Variants in ATR observed in about 807,000 individuals in gnomAD.
ATR encodes serine/threonine-protein kinase ATR.
ATR carries 142 observed loss-of-function variants against 305.3 expected under a neutral mutation model. The ratio of observed to expected loss-of-function variants is 0.47; its 90% CI spans 0.41 to 0.53. The LOEUF (loss-of-function observed/expected upper bound fraction) is 0.53. ATR is among the 20% of genes least tolerant of loss of function. The pLI, the probability that ATR is intolerant of heterozygous loss-of-function variation, is 0.00. For missense variants in ATR, 2,135 were observed against 3,133.1 expected, an observed-to-expected ratio of 0.68 and a Z score of 7.60; for synonymous variants, 1,050 against 1,068.1, an observed-to-expected ratio of 0.98 and a Z score of 0.33.
chr3:142,471,347 T>A (rs2071259310), intron 36 of ATR, among the ~76,000 whole-genome samples: 1 of 152,184 alleles, frequency 6.6e-6, no homozygotes, highest in Non-Finnish European at 1.5e-5. Flanking sequence ...GATCAATTAA[T>A]CTCCCAATGA....
chr3:142,554,554 T>A (rs2034596281), intron 10 of ATR, among the ~76,000 whole-genome samples: 1 of 152,152 alleles, frequency 6.6e-6, no homozygotes, highest in Non-Finnish European at 1.5e-5. Context: ...CTAAAATAAT[T>A]TCCAGAATTG....
chr3:142,454,670 T>C (rs1337766088), intron 45 of ATR, among the ~76,000 whole-genome samples: 1 of 152,030 alleles, frequency 6.6e-6, no homozygotes, highest in Admixed American at 6.5e-5. Flanking sequence ...CTTGATCTCC[T>C]GACCTCGTGA....
chr3:142,454,566 C>T lies in ATR; in HGVS notation c.7656-1333G>A, dbSNP rs1037486844. 2.6e-5 allele frequency among the ~76,000 whole-genome samples: 4 copies of T among 151,182 alleles called. No individual in the cohort carries two copies. The East Asian group carries it at 7.8e-4, about 29-fold the overall frequency. On this transcript the variant is annotated intron_variant, in intron 45 of 46. Transcript: ENST00000350721. ...ACGCCATTCTCCTGCCTCAGCCTCC[C>T]GAGTAGCTGGGACTACAGGCGCCCG...
Position 142,505,054 on chromosome 3 carries a change from C to T in ATR, c.5196+85G>A, listed in dbSNP as rs375400244. 3 of 1,541,722 alleles carry T rather than the reference C, an allele frequency of 1.9e-6. No homozygotes were observed. In the South Asian group the frequency reaches 3.4e-5, roughly 17 times the overall value. ...GCGAGACTCTGTCTCAAAAACAAAA[C>T]AAAACAAAACAAAAAAAACTAAGGT... On this transcript the variant is annotated intron_variant, in intron 29 of 46. Coordinates refer to ENST00000350721, the MANE Select transcript of ATR (RefSeq NM_001184.4).
chr3:142,495,091 G>A (rs894112092), intron 34 of ATR, among the ~76,000 whole-genome samples: 2 of 152,156 alleles, frequency 1.3e-5, no homozygotes, highest in Non-Finnish European at 2.9e-5. Flanking sequence ...TTGATGGAAG[G>A]ATGGAATAAA....
rs886571253 is a variant in ATR at position 142,449,326 on chromosome 3, C to T, written c.*103G>A. 3.5e-5 allele frequency: 38 copies of T among 1,082,560 alleles called. No homozygotes were observed. The highest frequency in any genetic ancestry group is 2.1e-4 in the African/African-American group (13 of 62,984). 67.1% of individuals were successfully genotyped at this position (1,082,560 alleles called of 1,614,324 possible). ...AGAGAGAAATAACAGTTGCTGAGAA[C>T]GTAAATTTATGTTGTACTTTAGAAT... is the stretch of plus-strand genomic sequence containing the variant. On this transcript the variant is annotated 3_prime_UTR_variant, in exon 47 of 47. Coordinates refer to ENST00000350721, the MANE Select transcript of ATR (RefSeq NM_001184.4).
chr3:142,558,352 G>A lies in ATR; in HGVS notation c.1885+272C>T, dbSNP rs1190742038. Among the ~76,000 whole-genome samples, 6 of 151,748 alleles carry A rather than the reference G, an allele frequency of 4.0e-5. No homozygotes were observed. In the East Asian group the frequency reaches 5.8e-4, roughly 15 times the overall value. On this transcript the variant is annotated intron_variant, in intron 8 of 46. Coordinates refer to ENST00000350721, the MANE Select transcript of ATR (RefSeq NM_001184.4). ...AGCCTGGCTAACATGGTGAAACCCCGCCTCTACTAAAAATATAAGAATTAG... is the reference window on the plus strand; with the variant it reads ...AGCCTGGCTAACATGGTGAAACCCCACCTCTACTAAAAATATAAGAATTAG...
intron 46 of ATR, chr3:142,452,887 T>C: frequency 7.4e-7 from 1 of 1,355,272 alleles, no homozygotes; most frequent in South Asian, 1.5e-5. Context: ...GTGAATTGTC[T>C]ATGGTTAAAC....
At chr3:142,495,697 T>C (rs1404387249) in intron 34 of ATR, among the ~76,000 whole-genome samples, 5 of 151,996 alleles carry the variant, frequency 3.3e-5, no homozygotes, top group Non-Finnish European at 7.4e-5. Flanking sequence ...TGAGCGGAGA[T>C]CGTGCCACTG....
At chr3:142,535,864 A>G (rs992761996) in intron 20 of ATR, among the ~76,000 whole-genome samples, 7 of 152,198 alleles carry the variant, frequency 4.6e-5, no homozygotes, top group African/African-American at 4.8e-5. Context: ...TAGTAAAGGC[A>G]TAAGAATTGT....
intron 22 of ATR, 116 bp downstream of exon 22, chr3:142,523,877 T>A: frequency 9.2e-7 from 1 of 1,087,584 alleles, no homozygotes; most frequent in Non-Finnish European, 1.3e-6. Flanking sequence ...TAACTGATTG[T>A]CTGGTTCTAG....
intron 26 of ATR, among the ~76,000 whole-genome samples, chr3:142,513,032 G>A (rs915776002): frequency 1.3e-5 from 2 of 151,878 alleles, no homozygotes; most frequent in Non-Finnish European, 2.9e-5. Context: ...TGTTAACAGT[G>A]AAAAAAACTT....
At chr3:142,451,779 A>G in intron 46 of ATR, 1 of 1,204,266 alleles carries the variant, frequency 8.3e-7, no homozygotes, top group Non-Finnish European at 1.1e-6. Context: ...TGTAGAGACC[A>G]GGGCTGGCTT....
At chr3:142,530,977 C>CT (rs1032422773) in intron 21 of ATR, among the ~76,000 whole-genome samples, 2 of 152,066 alleles carry the variant, frequency 1.3e-5, no homozygotes, top group South Asian at 2.1e-4. Flanking sequence ...TCATTTTCTT[C>CT]TTTTTTTATA....
Position 142,519,704 on chromosome 3 carries a change from A to T in ATR, c.4347T>A (p.His1449Gln), listed in dbSNP as rs777646913. Residue 1449 changes from histidine (H) to glutamine (Q), a missense_variant, in exon 24 of 47, where the codon CAT becomes CAA. This residue lies in a region of ATR where 202 missense variants were observed against 252.9 expected (regional missense o/e 0.80). Transcript: ENST00000350721. ...GATGAGGTTCTAGTATTTCCCGAAC[A>T]TGCTCAGGAAATCTCCTCCACAATT... is the stretch of plus-strand genomic sequence containing the variant. Reference protein sequence around the residue: ...GHQLWRRFPEHVREILEPHLN... With the variant: ...GHQLWRRFPEQVREILEPHLN... The T allele has an allele frequency of 6.2e-7, 1 of 1,614,020 alleles. No homozygotes were observed. The highest frequency in any genetic ancestry group is 1.7e-5 in the Admixed American group (1 of 60,018).
At chr3:142,485,017 G>GTAA in intron 36 of ATR, 123 bp downstream of exon 36, 1 of 1,402,026 alleles carries the variant, frequency 7.1e-7, no homozygotes, top group Non-Finnish European at 9.9e-7. Flanking sequence ...TATCTAAGGT[G>GTAA]ATACACTGAA....
chr3:142,529,172 G>T (rs1339625453), intron 21 of ATR, among the ~76,000 whole-genome samples: 1 of 151,524 alleles, frequency 6.6e-6, no homozygotes, highest in African/African-American at 2.4e-5. Context: ...GAGCTACCGT[G>T]CCCAGCCTAT....
At chr3:142,472,614 G>A (rs975799548) in intron 36 of ATR, among the ~76,000 whole-genome samples, 1 of 151,350 alleles carries the variant, frequency 6.6e-6, no homozygotes, top group African/African-American at 2.4e-5. Context: ...TTTTTTAATT[G>A]GGTAATTTGT....
Position 142,462,064 on chromosome 3 carries a change from A to G in ATR, c.7068T>C (p.Arg2356=). The G allele has an allele frequency of 6.2e-7, 1 of 1,612,948 alleles. No homozygotes were observed. Among genetic ancestry groups the G allele is most frequent in the Non-Finnish European group, 8.5e-7 (1 of 1,179,390 alleles). ...ATGTTCGAATATGAAGTTCTCTTCT[A>G]CGAGACTCTGCATCTTTTCTTAAGC... ...NKCLRKDAES[R]RRELHIRTYA... is the part of the protein sequence containing the mutation. Residue 2356 remains arginine, a synonymous_variant, in exon 42 of 47, where the codon CGT becomes CGC. Coordinates refer to ENST00000350721, the MANE Select transcript of ATR (RefSeq NM_001184.4).
Sources: allele counts gnomAD v4.1 joint callset (sites outside exome capture counted in the v4.1 genomes callset), GRCh38; gene constraint gnomAD v4.1.1; regional missense constraint gnomAD v4.1.1; transcripts MANE v1.5; gene names NCBI Gene and HGNC (gene_info 2026-07-23, HGNC 2026-07-21).